ATP6V1H: variants seen among roughly 807,000 people sequenced by gnomAD.
The protein encoded by ATP6V1H is ATPase H+ transporting V1 subunit H.
In ATP6V1H, 39 loss-of-function variants were observed where a neutral mutation model predicts 71.7. The observed-to-expected ratio is 0.54, with a 90% confidence interval of 0.42 to 0.71. ATP6V1H has a LOEUF of 0.71. ATP6V1H is among the 30% of genes least tolerant of loss of function. The probability of loss-of-function intolerance (pLI) is 0.00; values close to 1 mark genes in which losing one functional copy is unlikely to be tolerated. For synonymous variants in ATP6V1H, 192 were observed against 199.3 expected, an observed-to-expected ratio of 0.96 and a Z score of 0.31; for missense variants, 509 against 594.9, an observed-to-expected ratio of 0.86 and a Z score of 1.50.
At chr8:53,775,150 C>T (rs2130335654) in intron 9 of ATP6V1H, among the ~76,000 whole-genome samples, 1 of 152,278 alleles carries the variant, frequency 6.6e-6, no homozygotes, top group South Asian at 2.1e-4. Flanking sequence ...AAGCTGCAGA[C>T]CTTCGCGGTG....
chr8:53,759,885 C>T (rs989580256), intron 11 of ATP6V1H, among the ~76,000 whole-genome samples: 8 of 152,104 alleles, frequency 5.3e-5, no homozygotes, highest in Admixed American at 3.9e-4. Context: ...GTGGAATTAC[C>T]TGACGTAAGT....
At chr8:53,775,465 G>C (rs1366726116) in intron 9 of ATP6V1H, among the ~76,000 whole-genome samples, 1 of 152,198 alleles carries the variant, frequency 6.6e-6, no homozygotes, top group Non-Finnish European at 1.5e-5. Context: ...TTTTGACAGG[G>C]CGCTGATTGG....
intron 5 of ATP6V1H, among the ~76,000 whole-genome samples, 196 bp downstream of exon 5, chr8:53,817,221 C>T (rs543871627): frequency 5.5e-4 from 83 of 150,196 alleles, no homozygotes; most frequent in African/African-American, 2.0e-3. Context: ...AAATAAAAAC[C>T]TTTCTTCTTT....
intron 1 of ATP6V1H, chr8:53,842,743 C>G (rs1811384213): frequency 6.6e-6 from 1 of 152,434 alleles, no homozygotes; most frequent in Admixed American, 6.5e-5. Flanking sequence ...ACTCGCACCC[C>G]CAGCGATCCA....
At chr8:53,802,494 G>A (rs1809945551) in intron 7 of ATP6V1H, among the ~76,000 whole-genome samples, 1 of 152,196 alleles carries the variant, frequency 6.6e-6, no homozygotes, top group Non-Finnish European at 1.5e-5. Context: ...TGAGGCGGGG[G>A]GATTTCCTGA....
At chr8:53,818,192 CTTT>C (rs1810515095) in intron 4 of ATP6V1H, among the ~76,000 whole-genome samples, 1 of 152,122 alleles carries the variant, frequency 6.6e-6, no homozygotes, top group East Asian at 1.9e-4. Flanking sequence ...AACAGCAATA[CTTT>C]TTTAAAAATT....
At chr8:53,798,935 T>A (rs1394143624) in intron 8 of ATP6V1H, among the ~76,000 whole-genome samples, 1 of 152,154 alleles carries the variant, frequency 6.6e-6, no homozygotes, top group Non-Finnish European at 1.5e-5. Flanking sequence ...GTACTAGCCA[T>A]CAGAACAGCA....
chr8:53,815,893 G>A (rs184068878), intron 5 of ATP6V1H, among the ~76,000 whole-genome samples: 2 of 152,274 alleles, frequency 1.3e-5, no homozygotes, highest in East Asian at 3.9e-4. Flanking sequence ...TGAAAGATTG[G>A]CCAAAAGTAA....
At chr8:53,724,600 C>T (rs1236674343) in intron 13 of ATP6V1H, among the ~76,000 whole-genome samples, 7 of 148,064 alleles carry the variant, frequency 4.7e-5, no homozygotes, top group Admixed American at 2.7e-4. Context: ...CCCTCCTCCC[C>T]GCCCCACCCC....
In ATP6V1H at chr8:53,814,603, C is replaced by T. The variant is rs567732781; in HGVS notation, c.525+59G>A. ...AATTTAACATATTTACTATAAATAG[C>T]TTAAAAGAACACGGATGTTATATTC... is the stretch of plus-strand genomic sequence containing the variant. On this transcript the variant is annotated intron_variant, in intron 6 of 13. Coordinates refer to ENST00000359530, the MANE Select transcript of ATP6V1H (RefSeq NM_015941.4). The T allele has an allele frequency of 6.3e-6, 6 of 954,486 alleles. No homozygotes were observed. In the South Asian group the frequency reaches 9.1e-5, roughly 14 times the overall value. 59.1% of individuals were successfully genotyped at this position (954,486 alleles called of 1,614,324 possible).
rs1808594915 is a variant in ATP6V1H at position 53,769,922 on chromosome 8, A to G, written c.1050-179T>C. Among the ~76,000 whole-genome samples the G allele has an allele frequency of 2.6e-5, 4 of 152,160 alleles. No individual in the cohort carries two copies. The South Asian group carries it at 8.3e-4, about 31-fold the overall frequency. ...TAAATAATCTTTAATAAATCATGTG[A>G]AATTTTATTCAGTGTAGTAAGGTCC... On this transcript the variant is annotated intron_variant, in intron 10 of 13. Coordinates refer to ENST00000359530, the MANE Select transcript of ATP6V1H (RefSeq NM_015941.4).
intron 8 of ATP6V1H, among the ~76,000 whole-genome samples, chr8:53,799,960 G>A (rs557386505): frequency 6.6e-6 from 1 of 152,264 alleles, no homozygotes; most frequent in Admixed American, 6.5e-5. Flanking sequence ...AAGCCACCCA[G>A]TATTTTGTTA....
chr8:53,801,373 G>A (rs746767101), intron 8 of ATP6V1H, among the ~76,000 whole-genome samples: 1 of 152,180 alleles, frequency 6.6e-6, no homozygotes, highest in Non-Finnish European at 1.5e-5. Flanking sequence ...GTATAAGCCT[G>A]AACAGGCAGC....
intron 11 of ATP6V1H, among the ~76,000 whole-genome samples, chr8:53,760,069 G>A (rs1012999790): frequency 1.3e-5 from 2 of 152,172 alleles, no homozygotes; most frequent in East Asian, 1.9e-4. Context: ...CAAGTCAGGG[G>A]GTTGTTAAGC....
chr8:53,816,520 G>A (rs1246511351), intron 5 of ATP6V1H, among the ~76,000 whole-genome samples: 2 of 152,062 alleles, frequency 1.3e-5, no homozygotes, highest in African/African-American at 2.4e-5. Context: ...AGTGTAGGCC[G>A]GGTGCAGTGC....
intron 4 of ATP6V1H, among the ~76,000 whole-genome samples, chr8:53,820,988 A>C (rs1810633353): frequency 6.6e-6 from 1 of 151,526 alleles, no homozygotes; most frequent in Admixed American, 6.6e-5. Flanking sequence ...TCTCAAAAAA[A>C]AAAAAAAGAA....
At chr8:53,767,244 ATTAG>A (rs1808502959) in intron 11 of ATP6V1H, among the ~76,000 whole-genome samples, 1 of 152,236 alleles carries the variant, frequency 6.6e-6, no homozygotes, top group Non-Finnish European at 1.5e-5. Context: ...ACATATCAAT[ATTAG>A]TTCATCAATT....
chr8:53,737,586 G>A (rs1186410315), intron 13 of ATP6V1H, among the ~76,000 whole-genome samples: 1 of 152,212 alleles, frequency 6.6e-6, no homozygotes, highest in Admixed American at 6.5e-5. Context: ...GCCTCTAGGA[G>A]AATGCAGTAC....
At chr8:53,824,888 C>T (rs1227206038) in intron 4 of ATP6V1H, among the ~76,000 whole-genome samples, 1 of 151,590 alleles carries the variant, frequency 6.6e-6, no homozygotes, top group Non-Finnish European at 1.5e-5. Context: ...AATTCAATCA[C>T]AAAATTAATT....
Sources: gnomAD v4.1 joint callset for allele counts (sites outside exome capture counted in the v4.1 genomes callset) on GRCh38, gnomAD v4.1.1 for gene constraint, MANE v1.5 for transcripts, NCBI Gene and HGNC (gene_info 2026-07-23, HGNC 2026-07-21) for gene names.